Variants in DNAH5 observed in about 807,000 individuals in gnomAD.
DNAH5 encodes the protein dynein axonemal heavy chain 5.
A neutral mutation model predicts 518.2 loss-of-function variants in DNAH5; 372 were observed. The observed-to-expected ratio is 0.72, with a 90% CI of 0.66 to 0.78. The LOEUF (loss-of-function observed/expected upper bound fraction) is 0.78, where lower values mean the gene tolerates loss of function less well. Ranked by LOEUF, DNAH5 falls within the 30% of genes least tolerant of loss-of-function variation. DNAH5 has a pLI of 0.00. For missense variants in DNAH5, 5,523 were observed against 5,687.0 expected (o/e 0.97, Z 0.93); for synonymous variants, 2,039 against 2,025.9 (o/e 1.01, Z -0.17).
At chr5:13,906,152 A>G (rs1185350529) in intron 12 of DNAH5, among the ~76,000 whole-genome samples, 1 of 152,176 alleles carries the variant, frequency 6.6e-6, no homozygotes, top group Non-Finnish European at 1.5e-5. Context: ...CGGTAGGAAA[A>G]CACTTTGCCT....
intron 21 of DNAH5, among the ~76,000 whole-genome samples, chr5:13,880,311 C>G (rs1051095200): frequency 2.6e-5 from 4 of 152,050 alleles, no homozygotes; most frequent in Admixed American, 1.3e-4. Flanking sequence ...GGAGATTAAG[C>G]TGAAGGAAGA....
intron 35 of DNAH5, among the ~76,000 whole-genome samples, chr5:13,832,495 C>T (rs972177889): frequency 2.0e-5 from 3 of 152,208 alleles, no homozygotes; most frequent in African/African-American, 7.2e-5. Flanking sequence ...CCCTTCTTGC[C>T]TCCCTTCTCT....
intron 68 of DNAH5, among the ~76,000 whole-genome samples, chr5:13,733,597 A>G (rs1746918344): frequency 6.6e-6 from 1 of 152,192 alleles, no homozygotes; most frequent in African/African-American, 2.4e-5. Context: ...CTAAAGAGTA[A>G]GTGTTTAATG....
At chr5:13,718,426 C>G (rs1315082581) in intron 72 of DNAH5, among the ~76,000 whole-genome samples, 1 of 152,172 alleles carries the variant, frequency 6.6e-6, no homozygotes, top group Non-Finnish European at 1.5e-5. Context: ...ACCTCAGCCC[C>G]AGTCATGATG....
chr5:14,005,014 G>C lies in DNAH5; in HGVS notation c.12+6634C>G, dbSNP rs150749481. ...AAGGCAGCTCATATTTCAAGGATAA[G>C]TCCCAAAACTCAGCACACGAGCCTC... is the stretch of plus-strand genomic sequence containing the variant. On this transcript the variant is annotated intron_variant, in intron 1 of 78. Coordinates refer to the DNAH5 transcript ENST00000681290. 5.8e-3 allele frequency among the ~76,000 whole-genome samples: 879 copies of C among 152,232 alleles called. 8 individuals are homozygous for C. Among genetic ancestry groups the C allele is most frequent in the African/African-American group, 0.021 (859 of 41,520 alleles).
intron 1 of DNAH5, among the ~76,000 whole-genome samples, chr5:13,963,791 T>G (rs533486219): frequency 6.6e-6 from 1 of 152,214 alleles, no homozygotes; most frequent in South Asian, 2.1e-4. Flanking sequence ...TGGACTCAAA[T>G]GATCCTCCTG....
At chr5:13,848,541 T>C (rs959070552) in intron 31 of DNAH5, among the ~76,000 whole-genome samples, 1 of 152,200 alleles carries the variant, frequency 6.6e-6, no homozygotes, top group African/African-American at 2.4e-5. Context: ...AATGAAATAA[T>C]TCTACAACTC....
chr5:13,989,834 C>A (rs1219260584), intron 1 of DNAH5, among the ~76,000 whole-genome samples: 4 of 152,034 alleles, frequency 2.6e-5, no homozygotes, highest in Admixed American at 2.6e-4. Flanking sequence ...AGGTAGGTTT[C>A]CAGATTTTTT....
At chr5:13,889,770 G>C (rs573171804) in intron 17 of DNAH5, among the ~76,000 whole-genome samples, 2 of 152,196 alleles carry the variant, frequency 1.3e-5, no homozygotes, top group South Asian at 4.2e-4. Context: ...TCACAGGAGG[G>C]AGACAGCATG....
intron 75 of DNAH5, 40 bp from the exon 76 acceptor site, chr5:13,708,375 T>A: frequency 1.2e-6 from 2 of 1,605,212 alleles, no homozygotes; most frequent in South Asian, 1.1e-5. Context: ...AACAATTAGC[T>A]ACTAAGGATT....
chr5:13,808,157 G>A (rs948650127), intron 46 of DNAH5, among the ~76,000 whole-genome samples: 4 of 148,126 alleles, frequency 2.7e-5, no homozygotes, highest in African/African-American at 1.0e-4. Flanking sequence ...TTGAACCCGA[G>A]AGGCAGACGT....
At chr5:13,999,765 C>T (rs1284809172) in intron 1 of DNAH5, among the ~76,000 whole-genome samples, 2 of 152,204 alleles carry the variant, frequency 1.3e-5, no homozygotes, top group African/African-American at 2.4e-5. Flanking sequence ...TTAAGAACCT[C>T]CATACTGTCT....
At chr5:13,903,309 T>C (rs958885691) in intron 12 of DNAH5, among the ~76,000 whole-genome samples, 7 of 150,754 alleles carry the variant, frequency 4.6e-5, no homozygotes, top group Admixed American at 1.3e-4. Context: ...AATAAAGAAA[T>C]GGAAAAATAC....
intron 48 of DNAH5, 91 bp downstream of exon 48, chr5:13,793,845 A>G (rs1757409489): frequency 9.0e-6 from 14 of 1,551,712 alleles, no homozygotes; most frequent in African/African-American, 1.4e-5. Context: ...ATCTTGAAAA[A>G]GTAAAAACTT....
chr5:13,973,265 C>T (rs559946430), intron 1 of DNAH5, among the ~76,000 whole-genome samples: 2 of 152,220 alleles, frequency 1.3e-5, no homozygotes, highest in African/African-American at 4.8e-5. Context: ...CTCCTAGAAG[C>T]TCCAGAAGGA....
chr5:13,824,038 T>C (rs920098414), intron 39 of DNAH5, among the ~76,000 whole-genome samples, 161 bp downstream of exon 39: 1 of 152,200 alleles, frequency 6.6e-6, no homozygotes, highest in Non-Finnish European at 1.5e-5. Flanking sequence ...CCCAAAAAAA[T>C]GTCTGAAAAA....
At position 13,891,237 on chromosome 5, in the gene DNAH5, C is replaced by T. The variant is rs1472008554; in HGVS notation, c.2432-116G>A. 7.3e-6 allele frequency: 8 copies of T among 1,089,902 alleles called. 1 individual carries two copies. Among genetic ancestry groups the T allele is most frequent in the Middle Eastern group, 2.9e-4 (1 of 3,444 alleles). The allele number at this position is 1,089,902 out of a possible 1,614,324, so 67.5% of individuals were successfully genotyped here. Reference sequence around the variant, plus strand: ...AATCAGCTTTAAAGATTCTCAGTTACGTATGTTCCCCAGATCCCCACTGAT... The same window carrying T: ...AATCAGCTTTAAAGATTCTCAGTTATGTATGTTCCCCAGATCCCCACTGAT... On this transcript the variant is annotated intron_variant, in intron 16 of 78. Coordinates refer to ENST00000265104, the MANE Select transcript of DNAH5 (RefSeq NM_001369.3).
chr5:13,705,997 G>T (rs1243227552), intron 76 of DNAH5, among the ~76,000 whole-genome samples: 2 of 152,166 alleles, frequency 1.3e-5, no homozygotes, highest in Non-Finnish European at 2.9e-5. Context: ...CTCCAGAATT[G>T]CAAGAAAACA....
At chr5:13,820,623 G>A in intron 40 of DNAH5, 124 bp from the exon 41 acceptor site, 1 of 1,099,604 alleles carries the variant, frequency 9.1e-7, no homozygotes, top group Non-Finnish European at 1.4e-6. Context: ...AGGAGTTCAA[G>A]ACCAGCCAGG....
Sources: gnomAD v4.1 joint callset for allele counts (sites outside exome capture counted in the v4.1 genomes callset) on GRCh38, gnomAD v4.1.1 for gene constraint, MANE v1.5 for transcripts, NCBI Gene and HGNC (gene_info 2026-07-23, HGNC 2026-07-21) for gene names.